The following SRPK2 variants were observed in gnomAD, a reference collection of about 807,000 sequenced individuals.
SRPK2 encodes the protein SFRS protein kinase 2.
A neutral mutation model predicts 90.8 loss-of-function variants in SRPK2; 21 were observed. That is an observed-to-expected ratio of 0.23 (90% confidence interval 0.16 to 0.33). The LOEUF is 0.33. SRPK2 is among the 10% of genes least tolerant of loss of function. SRPK2 has a pLI of 1.00. For synonymous variants in SRPK2, 288 were observed against 311.1 expected (o/e 0.93, Z 0.78); for missense variants, 620 against 869.0 (o/e 0.71, Z 3.60).
At chr7:105,161,649 T>G (rs1807675602) in intron 6 of SRPK2, among the ~76,000 whole-genome samples, 2 of 152,300 alleles carry the variant, frequency 1.3e-5, no homozygotes, top group Non-Finnish European at 2.9e-5. Flanking sequence ...TCCTAGGAAC[T>G]GACATGAAAC....
chr7:105,288,976 G>A (rs1309286206), intron 2 of SRPK2, among the ~76,000 whole-genome samples: 3 of 151,976 alleles, frequency 2.0e-5, no homozygotes, highest in African/African-American at 7.3e-5. Flanking sequence ...ATAACTTCCA[G>A]CCAGGTGCGG....
intron 1 of SRPK2, among the ~76,000 whole-genome samples, chr7:105,398,493 C>T (rs1822389159): frequency 6.6e-6 from 1 of 151,768 alleles, no homozygotes; most frequent in African/African-American, 2.4e-5. Flanking sequence ...AAGCGATTCT[C>T]CTGCCTCAGC....
intron 2 of SRPK2, among the ~76,000 whole-genome samples, chr7:105,385,173 T>C (rs1215346628): frequency 4.6e-4 from 9 of 19,434 alleles, no homozygotes; most frequent in African/African-American, 6.4e-4. Flanking sequence ...CGCCCGGCAT[T>C]TTTTTTTTTT....
intron 13 of SRPK2, among the ~76,000 whole-genome samples, chr7:105,131,573 G>A (rs570588779): frequency 6.6e-6 from 1 of 152,286 alleles, no homozygotes; most frequent in South Asian, 2.1e-4. Flanking sequence ...GCCATGTGCT[G>A]ACTCAGATCA....
chr7:105,198,638 G>A (rs917280026), intron 3 of SRPK2, among the ~76,000 whole-genome samples: 2 of 152,114 alleles, frequency 1.3e-5, no homozygotes, highest in African/African-American at 4.8e-5. Context: ...ACAGCATGAA[G>A]TACAGATGAG....
At chr7:105,392,440 T>C (rs1455646324), upstream of SRPK2, among the ~76,000 whole-genome samples, 1 of 152,252 alleles carries the variant, frequency 6.6e-6, no homozygotes, top group Non-Finnish European at 1.5e-5. Context: ...TGACAATATC[T>C]CAATGGGTTG....
intron 3 of SRPK2, among the ~76,000 whole-genome samples, chr7:105,170,829 A>G (rs1790777386): frequency 2.4e-5 from 2 of 81,826 alleles, no homozygotes; most frequent in African/African-American, 1.1e-4. Context: ...GAGAAAGAGA[A>G]AGAAAGGAAG....
chr7:105,213,821 T>C (rs1434959826), intron 2 of SRPK2, among the ~76,000 whole-genome samples: 1 of 152,154 alleles, frequency 6.6e-6, no homozygotes. Flanking sequence ...CAACTAACGA[T>C]TGCCTCATGC....
chr7:105,139,126 G>A (rs1440850084), intron 11 of SRPK2, among the ~76,000 whole-genome samples: 4 of 152,198 alleles, frequency 2.6e-5, no homozygotes, highest in East Asian at 3.8e-4. Context: ...CTCCACTGTG[G>A]AGACCACTGC....
chr7:105,221,184 C>A (rs1291312157), intron 2 of SRPK2, among the ~76,000 whole-genome samples: 1 of 152,152 alleles, frequency 6.6e-6, no homozygotes, highest in East Asian at 1.9e-4. Context: ...AATCCTAAGT[C>A]AAGTCATTAT....
At chr7:105,389,206 G>A, upstream of SRPK2, 1 of 1,160,990 alleles carries the variant, frequency 8.6e-7, no homozygotes, top group Non-Finnish European at 1.1e-6. Flanking sequence ...CGGACCCGCG[G>A]GACCCTCCCT....
At chr7:105,295,337 ATAT>A (rs1476837562) in intron 2 of SRPK2, among the ~76,000 whole-genome samples, 2 of 151,756 alleles carry the variant, frequency 1.3e-5, no homozygotes, top group African/African-American at 4.8e-5. Flanking sequence ...ATAAATTTAC[ATAT>A]TATATAAATA....
chr7:105,244,721 C>G, intron 2 of SRPK2: 1 of 1,171,030 alleles, frequency 8.5e-7, no homozygotes, highest in Admixed American at 1.8e-5. Context: ...CGTGAGCGAG[C>G]CCAGGCACAG....
At chr7:105,292,276 G>A (rs1023636679) in intron 2 of SRPK2, among the ~76,000 whole-genome samples, 4 of 152,112 alleles carry the variant, frequency 2.6e-5, no homozygotes, top group Non-Finnish European at 5.9e-5. Context: ...GGGAGGCCGA[G>A]GCGGGCCAAT....
intron 2 of SRPK2, among the ~76,000 whole-genome samples, chr7:105,220,452 G>A (rs1797958511): frequency 6.6e-6 from 1 of 152,084 alleles, no homozygotes; most frequent in South Asian, 2.1e-4. Flanking sequence ...CTTGAACCTG[G>A]GAGGCAGAGG....
chr7:105,340,398 CCT>C (rs1491107039), intron 2 of SRPK2, among the ~76,000 whole-genome samples: 1 of 146,144 alleles, frequency 6.8e-6, no homozygotes, highest in Non-Finnish European at 1.5e-5. Context: ...TCTTTTCTCT[CCT>C]TTTTTTTTTT....
At position 105,214,766 on chromosome 7, in the gene SRPK2, G is replaced by A. The variant is rs187816333; in HGVS notation, c.72-10981C>T. On this transcript the variant is annotated intron_variant, in intron 2 of 15. Coordinates refer to ENST00000393651, the MANE Select transcript of SRPK2 (RefSeq NM_182692.3). The stretch of plus-strand genomic sequence containing the variant: ...GAGACTTAATACTGTTTGCCAATAT[G>A]GGAAAATGCCCCCTACAGATTCAAC... Among the ~76,000 whole-genome samples the A allele has an allele frequency of 3.3e-3, 503 of 152,270 alleles. 18 individuals carry two copies. The highest frequency in any genetic ancestry group is 0.026 in the Admixed American group (397 of 15,284).
chr7:105,182,874 A>G (rs1359490392), intron 3 of SRPK2, among the ~76,000 whole-genome samples: 1 of 152,226 alleles, frequency 6.6e-6, no homozygotes, highest in African/African-American at 2.4e-5. Context: ...ACTAATCTAA[A>G]TATATCCCAA....
intron 2 of SRPK2, among the ~76,000 whole-genome samples, chr7:105,247,518 A>ACG (rs201703405): frequency 2.5e-3 from 308 of 122,700 alleles, no homozygotes; most frequent in African/African-American, 9.2e-3. Context: ...ACCAAAAAAC[A>ACG]CACACACACA....
Sources: allele counts gnomAD v4.1 joint callset (sites outside exome capture counted in the v4.1 genomes callset), GRCh38; gene constraint gnomAD v4.1.1; transcripts MANE v1.5; gene names NCBI Gene and HGNC (gene_info 2026-07-23, HGNC 2026-07-21).